The following HRH1 variants were observed in gnomAD, a reference collection of about 807,000 sequenced individuals.
HRH1 encodes the protein histamine H1 receptor.
HRH1 carries 6 observed loss-of-function variants against 10.3 expected under a neutral mutation model. That is an observed-to-expected ratio of 0.58 (90% CI 0.32 to 1.15). HRH1 has a LOEUF of 1.15. HRH1 is among the 50% of genes most tolerant of loss of function. The pLI, the probability that HRH1 is intolerant of heterozygous loss-of-function variation, is 0.05. For synonymous variants in HRH1, 242 were observed against 236.7 expected (o/e 1.02, Z -0.21); for missense variants, 514 against 615.3 (o/e 0.84, Z 1.74).
At chr3:11,226,876 G>A (rs1475629346) in intron 1 of HRH1, among the ~76,000 whole-genome samples, 4 of 120,608 alleles carry the variant, frequency 3.3e-5, no homozygotes, top group Non-Finnish European at 6.7e-5. Flanking sequence ...GACAGAGCAA[G>A]ACTCAGTCTA....
intron 1 of HRH1, among the ~76,000 whole-genome samples, chr3:11,252,548 G>T (rs1939680542): frequency 6.6e-6 from 1 of 152,108 alleles, no homozygotes; most frequent in South Asian, 2.1e-4. Context: ...CCGGAGTGAG[G>T]GTCTTTCCAC....
chr3:11,184,794 G>T (rs1937420877), intron 1 of HRH1, among the ~76,000 whole-genome samples: 1 of 151,724 alleles, frequency 6.6e-6, no homozygotes, highest in Admixed American at 6.6e-5. Flanking sequence ...GTGGGCACCT[G>T]TAGTCCCAGC....
intron 1 of HRH1, among the ~76,000 whole-genome samples, chr3:11,147,229 G>A (rs1363676016): frequency 2.0e-5 from 3 of 152,102 alleles, no homozygotes; most frequent in South Asian, 2.1e-4. Flanking sequence ...TCCTGGAATC[G>A]GCAACCTCCT....
At chr3:11,141,564 T>G (rs1392861392) in intron 1 of HRH1, among the ~76,000 whole-genome samples, 1 of 152,202 alleles carries the variant, frequency 6.6e-6, no homozygotes, top group Non-Finnish European at 1.5e-5. Context: ...ATGCTGGCTG[T>G]TGGTGGGAGG....
intron 1 of HRH1, among the ~76,000 whole-genome samples, chr3:11,207,961 C>T (rs184358835): frequency 6.6e-6 from 1 of 152,164 alleles, no homozygotes; most frequent in East Asian, 1.9e-4. Flanking sequence ...AGAGGTTTTC[C>T]CACTAAGATG....
At chr3:11,216,950 G>A (rs149305640) in intron 1 of HRH1, among the ~76,000 whole-genome samples, 2,482 of 152,060 alleles carry the variant, frequency 0.016, 72 homozygotes, top group African/African-American at 0.054. Context: ...TTGGGAGGCC[G>A]AGGCGGGCAG....
At chr3:11,190,848 C>T (rs1051890922) in intron 1 of HRH1, among the ~76,000 whole-genome samples, 1 of 152,136 alleles carries the variant, frequency 6.6e-6, no homozygotes, top group African/African-American at 2.4e-5. Flanking sequence ...TCCAGAAACT[C>T]TCCTGGCCTC....
intron 1 of HRH1, among the ~76,000 whole-genome samples, chr3:11,197,393 C>T (rs1453807725): frequency 6.6e-6 from 1 of 152,192 alleles, no homozygotes; most frequent in Non-Finnish European, 1.5e-5. Flanking sequence ...GTGCCTGGTA[C>T]AGGGCCTGGC....
intron 1 of HRH1, among the ~76,000 whole-genome samples, chr3:11,258,243 A>C (rs1324085800): frequency 6.1e-5 from 1 of 16,472 alleles, no homozygotes; most frequent in African/African-American, 1.0e-3. Flanking sequence ...GATGTAAGCC[A>C]AAAAAAAAAA....
intron 1 of HRH1, among the ~76,000 whole-genome samples, chr3:11,211,981 G>A (rs905670003): frequency 9.2e-5 from 14 of 152,026 alleles, no homozygotes; most frequent in Middle Eastern, 3.2e-3. Flanking sequence ...GCATTTTAAC[G>A]TACGCACTCC....
intron 1 of HRH1, among the ~76,000 whole-genome samples, chr3:11,221,160 C>G (rs1290308186): frequency 2.0e-5 from 3 of 152,174 alleles, no homozygotes; most frequent in African/African-American, 7.2e-5. Context: ...TTAAGATGCC[C>G]TTAAGTTGAC....
At chr3:11,204,596 T>A (rs1012930866) in intron 1 of HRH1, among the ~76,000 whole-genome samples, 10 of 152,120 alleles carry the variant, frequency 6.6e-5, no homozygotes, top group African/African-American at 2.4e-4. Context: ...CTGCACAACC[T>A]TGTAGGCCTC....
upstream of HRH1, among the ~76,000 whole-genome samples, chr3:11,152,647 C>T (rs963208931): frequency 1.3e-5 from 2 of 150,308 alleles, no homozygotes; most frequent in African/African-American, 4.9e-5. Flanking sequence ...TCCATCCCCC[C>T]CTTACCTCCC....
At position 11,259,842 on chromosome 3, in the gene HRH1, G is replaced by C; in HGVS notation, c.805G>C (p.Gly269Arg). Residue 269 changes from glycine (G) to arginine (R), a missense_variant, in exon 2 of 2, where the codon GGT (glycine) becomes CGT (arginine). By Grantham distance (125) the Gly-to-Arg change is moderately radical. Coordinates refer to ENST00000431010, the MANE Select transcript of HRH1 (RefSeq NM_001098212.2). This position sits in a 1 kb window ranked among gnomAD's most constrained non-coding sequence, Gnocchi z 4.6. ...GAAAAGGAAGCCAAAAGATGCTGGT[G>C]GTGGATCTGTCTTGAAGTCACCATC... ...VLKRKPKDAGGGSVLKSPSQT... is the reference protein window; with the variant it reads ...VLKRKPKDAGRGSVLKSPSQT... 1 of 1,614,062 alleles carries C rather than the reference G, an allele frequency of 6.2e-7. No individual in the cohort carries two copies. The highest frequency in any genetic ancestry group is 8.5e-7 in the Non-Finnish European group (1 of 1,179,998).
At chr3:11,226,228 T>G (rs1050229415) in intron 1 of HRH1, 1 of 152,132 alleles carries the variant, frequency 6.6e-6, no homozygotes, top group African/African-American at 2.4e-5. Context: ...GTAGACCTGT[T>G]TGCTTATCTC....
At chr3:11,153,391 A>G (rs1936692267), upstream of HRH1, among the ~76,000 whole-genome samples, 1 of 152,114 alleles carries the variant, frequency 6.6e-6, no homozygotes, top group Non-Finnish European at 1.5e-5. Flanking sequence ...GACCTACCAT[A>G]CACAGCTTGT....
chr3:11,234,596 C>A, intron 1 of HRH1: 1 of 1,436,216 alleles, frequency 7.0e-7, no homozygotes, highest in Non-Finnish European at 9.8e-7. Context: ...TCATCAGCCA[C>A]CAATTCTGCA....
rs142229012 is a variant in HRH1 at position 11,214,337 on chromosome 3, A to T, written c.-35-44666A>T. Among the ~76,000 whole-genome samples, 341 of 152,338 alleles carry T rather than the reference A, an allele frequency of 2.2e-3. 2 individuals are homozygous for T. The highest frequency in any genetic ancestry group is 7.2e-3 in the African/African-American group (299 of 41,578). Reference sequence around the variant, plus strand: ...TCTTCTGGGAATCATTTTGTTGGCAAGTCACAGCCTTCCTGAAGAGAGGCA... The same window carrying T: ...TCTTCTGGGAATCATTTTGTTGGCATGTCACAGCCTTCCTGAAGAGAGGCA... On this transcript the variant is annotated intron_variant, in intron 1 of 1. Transcript: ENST00000431010.
intron 1 of HRH1, among the ~76,000 whole-genome samples, chr3:11,183,638 C>T (rs1937398302): frequency 6.6e-6 from 1 of 152,144 alleles, no homozygotes; most frequent in Non-Finnish European, 1.5e-5. Context: ...GGGTGAATCC[C>T]ACAGCTAAGG....
Sources: gnomAD v4.1 joint callset for allele counts (sites outside exome capture counted in the v4.1 genomes callset) on GRCh38, gnomAD v4.1.1 for gene constraint, Gnocchi (gnomAD v3.1) non-coding constraint, MANE v1.5 for transcripts, NCBI Gene and HGNC (gene_info 2026-07-23, HGNC 2026-07-21) for gene names.